Variants in SLC24A2 observed in about 807,000 individuals in gnomAD.
SLC24A2 encodes the protein sodium/potassium/calcium exchanger 2.
In SLC24A2, 36 loss-of-function variants were observed where a neutral mutation model predicts 62.0. The observed-to-expected ratio is 0.58, with a 90% confidence interval of 0.44 to 0.77. SLC24A2 has a LOEUF of 0.77. Ranked by LOEUF, SLC24A2 falls within the 30% of genes least tolerant of loss-of-function variation. SLC24A2 has a pLI of 0.00. For missense variants in SLC24A2, 846 were observed against 817.9 expected, an observed-to-expected ratio of 1.03 and a Z score of -0.42; for synonymous variants, 358 against 294.0, an observed-to-expected ratio of 1.22 and a Z score of -2.23.
intron 2 of SLC24A2, among the ~76,000 whole-genome samples, chr9:19,631,907 T>C (rs1032821925): frequency 2.6e-5 from 4 of 152,166 alleles, no homozygotes; most frequent in African/African-American, 4.8e-5. Context: ...GTACTACTAA[T>C]GGCTGAGGTG....
chr9:20,181,671 C>T, the SLC24A2 span, among the ~76,000 whole-genome samples: 1 of 152,166 alleles, frequency 6.6e-6, no homozygotes, highest in Non-Finnish European at 1.5e-5. Context: ...AGACCTAAAA[C>T]CATACAAATG....
At chr9:20,194,423 A>T in the SLC24A2 span, among the ~76,000 whole-genome samples, 1 of 152,086 alleles carries the variant, frequency 6.6e-6, no homozygotes, top group Admixed American at 6.6e-5. Flanking sequence ...TCAGGGGCTC[A>T]CATGCTCATG....
the SLC24A2 span, among the ~76,000 whole-genome samples, chr9:20,194,380 T>TGGATC: frequency 1.3e-5 from 2 of 152,234 alleles, no homozygotes; most frequent in African/African-American, 4.8e-5. Flanking sequence ...CCTTTGGTAC[T>TGGATC]CTTCATCCCT....
chr9:20,235,423 G>A, the SLC24A2 span, among the ~76,000 whole-genome samples: 1,799 of 152,202 alleles, frequency 0.012, 39 homozygotes, highest in African/African-American at 0.039. Flanking sequence ...CAGCTAACTC[G>A]GCAATGGCAG....
the SLC24A2 span, among the ~76,000 whole-genome samples, chr9:20,207,831 G>A: frequency 1.1e-4 from 16 of 152,220 alleles, no homozygotes; most frequent in South Asian, 2.1e-4. Flanking sequence ...TCCAGTGGGG[G>A]AGAGGGGGAT....
At chr9:19,804,971 A>G in the SLC24A2 span, among the ~76,000 whole-genome samples, 1 of 152,184 alleles carries the variant, frequency 6.6e-6, no homozygotes, top group Non-Finnish European at 1.5e-5. Context: ...ATTTTAATAA[A>G]TGATATTCTA....
intron 2 of SLC24A2, among the ~76,000 whole-genome samples, chr9:19,625,433 A>C (rs1345060717): frequency 6.6e-6 from 1 of 152,182 alleles, no homozygotes; most frequent in African/African-American, 2.4e-5. Context: ...CATAAACTAC[A>C]TCCTGAAGGT....
intron 2 of SLC24A2, chr9:19,705,530 C>A: frequency 4.4e-6 from 1 of 227,946 alleles, no homozygotes; most frequent in South Asian, 8.0e-5. Flanking sequence ...GCAGATCCAG[C>A]TTGCCCAGAA....
At chr9:19,663,841 C>G (rs1819173061) in intron 2 of SLC24A2, among the ~76,000 whole-genome samples, 1 of 152,240 alleles carries the variant, frequency 6.6e-6, no homozygotes, top group Admixed American at 6.5e-5. Flanking sequence ...GACACTGAAG[C>G]TGCTAGTAAC....
the SLC24A2 span, among the ~76,000 whole-genome samples, chr9:19,835,862 T>C: frequency 6.6e-6 from 1 of 152,132 alleles, no homozygotes; most frequent in Non-Finnish European, 1.5e-5. Context: ...AGAACAGAAA[T>C]TACAACAAAC....
the SLC24A2 span, among the ~76,000 whole-genome samples, chr9:19,821,930 T>C: frequency 9.2e-5 from 14 of 152,142 alleles, no homozygotes; most frequent in South Asian, 2.9e-3. Flanking sequence ...GGACTGTTAA[T>C]AAAAAAAGAA....
At chr9:19,608,168 T>C (rs1008232433) in intron 4 of SLC24A2, among the ~76,000 whole-genome samples, 1 of 152,202 alleles carries the variant, frequency 6.6e-6, no homozygotes, top group Non-Finnish European at 1.5e-5. Context: ...CACGCAAACA[T>C]CTTGGTAGTA....
chr9:19,985,029 GA>G, the SLC24A2 span, among the ~76,000 whole-genome samples: 5 of 142,056 alleles, frequency 3.5e-5, no homozygotes, highest in African/African-American at 1.3e-4. Flanking sequence ...AAAAAAAAAA[GA>G]CATCAATGCA....
At chr9:19,789,698 G>C (rs1044135210), upstream of SLC24A2, among the ~76,000 whole-genome samples, 1 of 152,208 alleles carries the variant, frequency 6.6e-6, no homozygotes, top group Non-Finnish European at 1.5e-5. Context: ...AATAGAATCA[G>C]GCTTGTTGGG....
the SLC24A2 span, among the ~76,000 whole-genome samples, chr9:20,061,058 C>T: frequency 1.3e-5 from 2 of 152,142 alleles, no homozygotes; most frequent in African/African-American, 4.8e-5. Flanking sequence ...AATGGAAAGA[C>T]ATTCCATGTT....
the SLC24A2 span, among the ~76,000 whole-genome samples, chr9:20,031,797 C>T: frequency 6.6e-6 from 1 of 152,278 alleles, no homozygotes; most frequent in South Asian, 2.1e-4. Flanking sequence ...CAACCTAGGA[C>T]TCAGCTACAA....
At chr9:19,983,794 G>C in the SLC24A2 span, among the ~76,000 whole-genome samples, 1 of 151,908 alleles carries the variant, frequency 6.6e-6, no homozygotes, top group Non-Finnish European at 1.5e-5. Context: ...TATAACACTA[G>C]AATTTTAAAT....
chr9:19,847,260 G>C, the SLC24A2 span, among the ~76,000 whole-genome samples: 2 of 151,980 alleles, frequency 1.3e-5, no homozygotes. Context: ...ATTTAATATT[G>C]CCCATTATTT....
chr9:19,730,276 C>A (rs1821296658), intron 2 of SLC24A2, among the ~76,000 whole-genome samples: 1 of 152,104 alleles, frequency 6.6e-6, no homozygotes, highest in Admixed American at 6.6e-5. Flanking sequence ...CAATATGTAT[C>A]AAGATCAGTA....
Sources: gnomAD v4.1 joint callset for allele counts (sites outside exome capture counted in the v4.1 genomes callset) on GRCh38, gnomAD v4.1.1 for gene constraint, MANE v1.5 for transcripts, NCBI Gene and HGNC (gene_info 2026-07-23, HGNC 2026-07-21) for gene names.